The following ITSN1 variants were observed in gnomAD, a reference collection of about 807,000 sequenced individuals.
ITSN1 encodes intersectin 1.
ITSN1 carries 58 observed loss-of-function variants against 239.8 expected under a neutral mutation model. That is an observed-to-expected ratio of 0.24 (90% CI 0.20 to 0.30). The LOEUF (loss-of-function observed/expected upper bound fraction) is 0.30, where lower values mean the gene tolerates loss of function less well. ITSN1 is among the 10% of genes least tolerant of loss of function. The pLI, the probability that ITSN1 is intolerant of heterozygous loss-of-function variation, is 1.00. For synonymous variants in ITSN1, 780 were observed against 770.8 expected (o/e 1.01, Z -0.20); for missense variants, 1,558 against 2,103.3 (o/e 0.74, Z 5.07).
chr21:33,721,335 T>A, intron 3 of ITSN1, 65 bp downstream of exon 3: 2 of 1,057,674 alleles, frequency 1.9e-6, no homozygotes. Flanking sequence ...GGAAACTCTA[T>A]CATGCAAAGA....
Position 33,811,239 on chromosome 21 carries a change from T to G in ITSN1, c.2567+17T>G. ...CAGCTCCACGTACGTGTTGGTGGGC[T>G]CTTTCTGATGATTTTTGAAATCCCA... On this transcript the variant is annotated intron_variant, in intron 21 of 39. Coordinates refer to ENST00000381318, the MANE Select transcript of ITSN1 (RefSeq NM_003024.3). 1 of 1,545,240 alleles carries G rather than the reference T, an allele frequency of 6.5e-7. No individual in the cohort carries two copies. Among genetic ancestry groups the G allele is most frequent in the Non-Finnish European group, 8.7e-7 (1 of 1,148,536 alleles).
chr21:33,785,327 T>C (rs540200320), intron 16 of ITSN1, among the ~76,000 whole-genome samples: 17 of 152,216 alleles, frequency 1.1e-4, no homozygotes, highest in East Asian at 1.9e-4. Context: ...CTCAGAGTTA[T>C]GTCCAGTTTC....
rs759461863 is a variant in ITSN1 at position 33,721,239 on chromosome 21, T to C, written c.90T>C (p.His30=). The C allele has an allele frequency of 3.1e-6, 5 of 1,612,648 alleles. No homozygotes were observed. The South Asian group carries it at 5.5e-5, about 18-fold the overall frequency. ...GAGCGAAGCATGATCAGCAGTTCCA[T>C]AGTTTAAAGCCAATATCTGGATTCA... ...EERAKHDQQF[H]SLKPISGFIT... The change falls in exon 3 of 40, where the codon CAT becomes CAC. Residue 30 remains histidine, a synonymous_variant. Coordinates refer to ENST00000381318, the MANE Select transcript of ITSN1 (RefSeq NM_003024.3).
Position 33,794,580 on chromosome 21 carries a change from T to A in ITSN1, c.1952+112T>A. ...ACCAGAAAGAGCCTTCAGTCTTTAGTGTGCATGTGAAGTGTGAGTGCAAAC... is the reference window on the plus strand; with the variant it reads ...ACCAGAAAGAGCCTTCAGTCTTTAGAGTGCATGTGAAGTGTGAGTGCAAAC... On this transcript the variant is annotated intron_variant, in intron 17 of 39. Coordinates refer to ENST00000381318, the MANE Select transcript of ITSN1 (RefSeq NM_003024.3). The A allele has an allele frequency of 5.8e-6, 8 of 1,384,394 alleles. No individual in the cohort carries two copies. In the South Asian group the frequency reaches 1.1e-4, roughly 20 times the overall value. 85.8% of individuals were successfully genotyped at this position (1,384,394 alleles called of 1,614,324 possible). A position where few individuals can be genotyped will look rare whatever the true frequency, so the allele number is the denominator to read the frequency against.
chr21:33,885,644 A>C, intron 38 of ITSN1, 122 bp downstream of exon 38: 1 of 759,122 alleles, frequency 1.3e-6, no homozygotes, highest in South Asian at 1.6e-5. Flanking sequence ...CTCCTTCCAG[A>C]ATTGGTTTAA....
intron 1 of ITSN1, among the ~76,000 whole-genome samples, chr21:33,671,136 C>T (rs1463792416): frequency 6.6e-6 from 1 of 152,188 alleles, no homozygotes; most frequent in African/African-American, 2.4e-5. Context: ...GACTGTTCTG[C>T]ACAACCTGTT....
chr21:33,651,426 T>G (rs1032359978), intron 1 of ITSN1, among the ~76,000 whole-genome samples: 1 of 152,230 alleles, frequency 6.6e-6, no homozygotes, highest in Admixed American at 6.5e-5. Context: ...AGCCTTCTGC[T>G]TTATCTTTGT....
chr21:33,820,800 T>C (rs1410511823), intron 24 of ITSN1, among the ~76,000 whole-genome samples: 1 of 152,168 alleles, frequency 6.6e-6, no homozygotes, highest in Non-Finnish European at 1.5e-5. Flanking sequence ...AAAAGCTCCT[T>C]TAAATACCAC....
intron 1 of ITSN1, among the ~76,000 whole-genome samples, chr21:33,645,323 A>T (rs1224278634): frequency 6.6e-6 from 1 of 152,156 alleles, no homozygotes; most frequent in Non-Finnish European, 1.5e-5. Flanking sequence ...CAGATCACTT[A>T]CATCAGCATT....
chr21:33,668,566 G>A (rs1230308279), intron 1 of ITSN1, among the ~76,000 whole-genome samples: 6 of 152,226 alleles, frequency 3.9e-5, no homozygotes, highest in Non-Finnish European at 1.5e-5. Context: ...AAAGTGGGAT[G>A]CAGGGATGGG....
chr21:33,793,138 A>AT (rs919946028), intron 16 of ITSN1, among the ~76,000 whole-genome samples: 4 of 152,148 alleles, frequency 2.6e-5, no homozygotes, highest in Non-Finnish European at 4.4e-5. Flanking sequence ...AACCCTTAGG[A>AT]TTTTTTTCCA....
intron 1 of ITSN1, among the ~76,000 whole-genome samples, chr21:33,661,144 G>T (rs749868364): frequency 3.3e-5 from 5 of 152,020 alleles, no homozygotes; most frequent in Non-Finnish European, 7.4e-5. Context: ...GCAGCATCAG[G>T]CTTGCTTTAT....
chr21:33,809,796 T>TA (rs1300109262), intron 20 of ITSN1, among the ~76,000 whole-genome samples: 1 of 151,926 alleles, frequency 6.6e-6, no homozygotes, highest in Admixed American at 6.6e-5. Flanking sequence ...GTAATGAAAA[T>TA]AAAATTTTTT....
At chr21:33,782,390 A>G (rs1382056332) in intron 16 of ITSN1, among the ~76,000 whole-genome samples, 1 of 152,230 alleles carries the variant, frequency 6.6e-6, no homozygotes. Flanking sequence ...GTCTGTTTAT[A>G]GTCACATCAA....
intron 1 of ITSN1, among the ~76,000 whole-genome samples, chr21:33,675,665 C>T (rs184358186): frequency 6.6e-6 from 1 of 152,312 alleles, no homozygotes; most frequent in Admixed American, 6.5e-5. Flanking sequence ...GTGCCTGTAC[C>T]CAGACCCCAA....
intron 29 of ITSN1, among the ~76,000 whole-genome samples, chr21:33,840,283 GGGATACTA>G (rs2074777235): frequency 1.3e-5 from 2 of 152,160 alleles, no homozygotes; most frequent in African/African-American, 2.4e-5. Flanking sequence ...AATTAGTGAA[GGGATACTA>G]GGTATCTCCT....
intron 1 of ITSN1, among the ~76,000 whole-genome samples, chr21:33,717,306 G>C (rs2147042849): frequency 1.3e-5 from 2 of 151,618 alleles, no homozygotes; most frequent in South Asian, 4.2e-4. Flanking sequence ...AGGTTATTCT[G>C]CCACCTCAGC....
At chr21:33,839,505 G>C (rs996694350) in intron 29 of ITSN1, among the ~76,000 whole-genome samples, 11 of 152,012 alleles carry the variant, frequency 7.2e-5, no homozygotes, top group Non-Finnish European at 1.3e-4. Context: ...AGGGGTGGGC[G>C]GGGAGATCCT....
At chr21:33,821,996 C>T (rs1353270150) in intron 24 of ITSN1, among the ~76,000 whole-genome samples, 1 of 152,196 alleles carries the variant, frequency 6.6e-6, no homozygotes, top group Admixed American at 6.5e-5. Context: ...TGTGGGAAAT[C>T]ATTTTTCCAA....
Sources: gnomAD v4.1 joint callset for allele counts (sites outside exome capture counted in the v4.1 genomes callset) on GRCh38, gnomAD v4.1.1 for gene constraint, MANE v1.5 for transcripts, NCBI Gene and HGNC (gene_info 2026-07-23, HGNC 2026-07-21) for gene names.